The following PPP1R13B variants were observed in gnomAD, a reference collection of about 807,000 sequenced individuals.
PPP1R13B encodes protein phosphatase 1 regulatory subunit 13B, also known as apoptosis-stimulating of p53 protein 1.
Under a neutral mutation model 119.8 loss-of-function variants are expected in PPP1R13B, and 44 were observed. The ratio of observed to expected loss-of-function variants is 0.37; its 90% confidence interval spans 0.29 to 0.47. The LOEUF (loss-of-function observed/expected upper bound fraction) is 0.47. Among genes scored for constraint, PPP1R13B ranks in the 20% least tolerant of loss-of-function variants. The pLI is 0.99. For missense variants in PPP1R13B, 1,227 were observed against 1,413.5 expected (o/e 0.87, Z 2.12); for synonymous variants, 542 against 561.5 (o/e 0.97, Z 0.49).
chr14:103,848,294 C>T (rs1431047324), upstream of PPP1R13B: 1 of 985,336 alleles, frequency 1.0e-6, no homozygotes. Flanking sequence ...CCCTCGAGGT[C>T]CAGCTCCAGC....
At chr14:103,736,429 GGACA>G (rs2084114593) in intron 15 of PPP1R13B, 2 of 589,910 alleles carry the variant, frequency 3.4e-6, no homozygotes, top group Admixed American at 3.0e-5. Context: ...AAGTCCTGCA[GGACA>G]GACAGGACAA....
rs761205681 is a variant in PPP1R13B at position 103,753,142 on chromosome 14, T to C, written c.686A>G (p.Gln229Arg). ...AMFQEKKQEVQTAILRVDQLS... is the reference protein window; with the variant it reads ...AMFQEKKQEVRTAILRVDQLS... ...CTGATCAACCCTTAAAATTGCAGTC[T>C]GTACTTCCTGCTTCTTTTCCTGGAA... is the stretch of plus-strand genomic sequence containing the variant. The change falls in exon 7 of 17, where the codon CAG becomes CGG. Residue 229 changes from glutamine to arginine, a missense_variant. Physicochemically the swap from Gln to Arg is conservative, Grantham distance 43 (BLOSUM62 1). Coordinates refer to ENST00000202556, the MANE Select transcript of PPP1R13B (RefSeq NM_015316.3). 2 of 1,613,568 alleles carry C rather than the reference T, an allele frequency of 1.2e-6. No homozygotes were observed.
At chr14:103,809,328 T>C (rs150072685) in intron 1 of PPP1R13B, among the ~76,000 whole-genome samples, 1 of 152,346 alleles carries the variant, frequency 6.6e-6, no homozygotes, top group East Asian at 1.9e-4. Context: ...ATAGACACCT[T>C]AGCTTCTATT....
At chr14:103,848,064 G>GGGGGCCCC (rs1238719327), upstream of PPP1R13B, among the ~76,000 whole-genome samples, 2 of 151,838 alleles carry the variant, frequency 1.3e-5, no homozygotes, top group African/African-American at 4.8e-5. Flanking sequence ...GAGGGGCGCG[G>GGGGGCCCC]GGGGCCCCCG....
At chr14:103,834,581 C>CT (rs1157222905) in intron 1 of PPP1R13B, among the ~76,000 whole-genome samples, 3,537 of 89,418 alleles carry the variant, frequency 0.04, 457 homozygotes, top group African/African-American at 0.12. Flanking sequence ...ATTTTAATGT[C>CT]TTTTTTTTTT....
rs769455593 is a variant in PPP1R13B, at chr14:103,740,583, C to T, written c.1833G>A (p.Lys611=). 6.5e-6 allele frequency: 10 copies of T among 1,527,198 alleles called. No homozygotes were observed. Among genetic ancestry groups the T allele is most frequent in the Non-Finnish European group, 7.0e-6 (8 of 1,136,318 alleles). 94.6% of individuals were successfully genotyped at this position (1,527,198 alleles called of 1,614,324 possible). ...AGGTTGAACCCGAAGGTAAAACGGG[C>T]TTACCATACACTGGGGAAGACACAA... is the stretch of plus-strand genomic sequence containing the variant. ...LNKSVKAVYG[K]PVLPSGSTSP... The change falls in exon 12 of 17, where the codon AAG becomes AAA. Residue 611 remains lysine, a synonymous_variant. Coordinates refer to ENST00000202556, the MANE Select transcript of PPP1R13B (RefSeq NM_015316.3). The surrounding 1 kb of genome is among the most constrained non-coding windows in gnomAD (Gnocchi z 4.6).
At chr14:103,823,095 T>C (rs906159830) in intron 1 of PPP1R13B, among the ~76,000 whole-genome samples, 3 of 151,666 alleles carry the variant, frequency 2.0e-5, no homozygotes, top group Non-Finnish European at 4.4e-5. Flanking sequence ...TCCCAGCACT[T>C]TGGGAGGCTG....
intron 2 of PPP1R13B, among the ~76,000 whole-genome samples, chr14:103,788,923 T>TAA (rs2085539570): frequency 6.6e-6 from 1 of 152,170 alleles, no homozygotes; most frequent in Admixed American, 6.5e-5. Flanking sequence ...GTTCCTTTGA[T>TAA]AAAGTTCATT....
chr14:103,747,390 G>C (rs905991943), intron 8 of PPP1R13B: 1 of 152,148 alleles, frequency 6.6e-6, no homozygotes, highest in Non-Finnish European at 1.5e-5. Context: ...TTGAAGTGTA[G>C]GTGGAATGAA....
rs2084009879 is a variant in PPP1R13B at position 103,733,602 on chromosome 14, T to C, written c.*1552A>G. The stretch of plus-strand genomic sequence containing the variant: ...GTACTTTTCACTCACTATTTCACTT[T>C]ATTAAGATGACTGTACAGCAATTTG... On this transcript the variant is annotated 3_prime_UTR_variant, in exon 17 of 17. Transcript: ENST00000202556. 6.5e-6 allele frequency: 1 copy of C among 153,072 alleles called. No homozygotes were observed. Among genetic ancestry groups the C allele is most frequent in the African/African-American group, 2.4e-5 (1 of 41,468 alleles). 9.5% of individuals were successfully genotyped at this position (153,072 alleles called of 1,614,324 possible).
At chr14:103,795,840 C>T (rs917373161) in intron 2 of PPP1R13B, among the ~76,000 whole-genome samples, 5 of 152,186 alleles carry the variant, frequency 3.3e-5, no homozygotes, top group Non-Finnish European at 7.3e-5. Flanking sequence ...TCAAGTTTCT[C>T]TCCATGTATC....
In PPP1R13B at chr14:103,740,687, GAC is replaced by G. The variant is rs2084236419; in HGVS notation, c.1823-96_1823-95del. ...TACACCAGAGACAGGCTCCTGCAAA[GAC>G]ACACATATACATCTGCTGCTGTTAT... is the stretch of plus-strand genomic sequence containing the variant. On this transcript the variant is annotated intron_variant, in intron 11 of 16. Transcript: ENST00000202556. This position sits in a 1 kb window ranked among gnomAD's most constrained non-coding sequence, Gnocchi z 4.6. The G allele has an allele frequency of 9.2e-7, 1 of 1,084,716 alleles. No homozygotes were observed. The highest frequency in any genetic ancestry group is 1.2e-6 in the Non-Finnish European group (1 of 810,710). The allele number at this position is 1,084,716 out of a possible 1,614,324, so 67.2% of individuals were successfully genotyped here.
chr14:103,784,442 G>T (rs2085403164), intron 3 of PPP1R13B, among the ~76,000 whole-genome samples: 1 of 151,554 alleles, frequency 6.6e-6, no homozygotes. Context: ...AATTAGCCAG[G>T]TGTGGTGGTG....
chr14:103,776,401 A>C (rs564515404), intron 4 of PPP1R13B, among the ~76,000 whole-genome samples: 25 of 152,200 alleles, frequency 1.6e-4, no homozygotes, highest in Non-Finnish European at 3.2e-4. Flanking sequence ...GGAAGTAGAG[A>C]GGTGAAATAA....
At chr14:103,753,964 T>C in intron 6 of PPP1R13B, 106 bp downstream of exon 6, 2 of 1,331,994 alleles carry the variant, frequency 1.5e-6, no homozygotes, top group Non-Finnish European at 2.1e-6. Flanking sequence ...GCACGCTTGC[T>C]ATTTAGTCCT....
At chr14:103,741,514 T>C (rs548487255) in intron 11 of PPP1R13B, among the ~76,000 whole-genome samples, 4 of 152,244 alleles carry the variant, frequency 2.6e-5, no homozygotes, top group African/African-American at 9.6e-5. Flanking sequence ...TCTCGACATC[T>C]CACCCTTCCC....
chr14:103,780,809 T>TTA (rs1180605748), intron 3 of PPP1R13B, among the ~76,000 whole-genome samples: 2 of 126,280 alleles, frequency 1.6e-5, no homozygotes, highest in Admixed American at 8.4e-5. Flanking sequence ...ACTCTGTCTC[T>TTA]AAAAAAAAAA....
Position 103,829,958 on chromosome 14 carries a change from T to C in PPP1R13B, c.9+17341A>G, listed in dbSNP as rs537762099. On this transcript the variant is annotated intron_variant, in intron 1 of 16. Coordinates refer to ENST00000202556, the MANE Select transcript of PPP1R13B (RefSeq NM_015316.3). ...CATGCCCAGCTAATTTTTGTATTTT[T>C]AGTAGAGACAGGGTTTCACCGTGTT... Among the ~76,000 whole-genome samples, 17 of 152,072 alleles carry C rather than the reference T, an allele frequency of 1.1e-4. No homozygotes were observed. The South Asian group carries it at 3.1e-3, about 28-fold the overall frequency.
At chr14:103,785,696 G>T (rs2085446548) in intron 2 of PPP1R13B, among the ~76,000 whole-genome samples, 1 of 151,278 alleles carries the variant, frequency 6.6e-6, no homozygotes, top group African/African-American at 2.4e-5. Context: ...GTTTTTAGGA[G>T]AGACGGGGTT....
Sources: allele counts gnomAD v4.1 joint callset (sites outside exome capture counted in the v4.1 genomes callset), GRCh38; gene constraint gnomAD v4.1.1; non-coding constraint Gnocchi (gnomAD v3.1); transcripts MANE v1.5; gene names NCBI Gene and HGNC (gene_info 2026-07-23, HGNC 2026-07-21).